The following ATP2B2 variants were observed in gnomAD, a reference collection of about 807,000 sequenced individuals.
The protein encoded by ATP2B2 is plasma membrane calcium-transporting ATPase 2.
A neutral mutation model predicts 120.0 loss-of-function variants in ATP2B2; 15 were observed. The ratio of observed to expected loss-of-function variants is 0.12; its 90% CI spans 0.08 to 0.19. ATP2B2 has a LOEUF of 0.19. Among genes scored for constraint, ATP2B2 ranks in the 10% least tolerant of loss-of-function variants. ATP2B2 has a pLI of 1.00. For missense variants in ATP2B2, 1,045 were observed against 1,719.8 expected (o/e 0.61, Z 6.94); for synonymous variants, 694 against 700.3 (o/e 0.99, Z 0.14).
intron 1 of ATP2B2, among the ~76,000 whole-genome samples, chr3:10,657,536 A>C (rs2070665648): frequency 6.6e-6 from 1 of 152,254 alleles, no homozygotes; most frequent in Non-Finnish European, 1.5e-5. Flanking sequence ...GCCAGGCGGC[A>C]GCGAGGCTTG....
chr3:10,329,098 A>C lies in ATP2B2; in HGVS notation c.3448T>G (p.Ser1150Ala). ...QIRVVKAFRSSLYEGLEKPES... is the reference protein window; with the variant it reads ...QIRVVKAFRSALYEGLEKPES... ...GGCTTTTCTAAACCTTCATAGAGAG[A>C]GCTACGGAACGCCTTCACGACGCGG... The change falls in exon 23 of 23, where the codon TCT becomes GCT. Residue 1150 changes from serine to alanine, a missense_variant. By Grantham distance (99) the Ser-to-Ala change is moderately conservative. Coordinates refer to ENST00000360273, the MANE Select transcript of ATP2B2 (RefSeq NM_001001331.4). This position sits in a 1 kb window ranked among gnomAD's most constrained non-coding sequence, Gnocchi z 5.9. The C allele has an allele frequency of 6.2e-7, 1 of 1,611,620 alleles. No individual in the cohort carries two copies. Among genetic ancestry groups the C allele is most frequent in the Non-Finnish European group, 8.5e-7 (1 of 1,179,504 alleles).
At chr3:10,410,043 C>T (rs745466381) in intron 3 of ATP2B2, among the ~76,000 whole-genome samples, 6 of 152,184 alleles carry the variant, frequency 3.9e-5, no homozygotes, top group South Asian at 4.1e-4. Flanking sequence ...GGCCTGACAA[C>T]GATGTTTTCA....
chr3:10,434,162 T>A (rs549453824), intron 2 of ATP2B2, among the ~76,000 whole-genome samples: 13 of 152,376 alleles, frequency 8.5e-5, no homozygotes, highest in African/African-American at 2.6e-4. Context: ...ACATCTATAC[T>A]CTCAGGGCAC....
intron 2 of ATP2B2, among the ~76,000 whole-genome samples, chr3:10,537,759 A>AG (rs1655951456): frequency 6.6e-6 from 1 of 152,202 alleles, no homozygotes; most frequent in Non-Finnish European, 1.5e-5. Context: ...TCCCAATCTC[A>AG]GGGGAAAGCA....
rs538987336 is a variant in ATP2B2 at position 10,350,727 on chromosome 3, G to T, written c.2137-150C>A. On this transcript the variant is annotated intron_variant, in intron 14 of 22. Transcript: ENST00000360273. ...GATGCTGATGACGCACATGGCATAT[G>T]GGCCACAGCCTCCCTTCCTGTGCCA... is the stretch of plus-strand genomic sequence containing the variant. The T allele has an allele frequency of 1.4e-4, 116 of 803,088 alleles. No individual in the cohort carries two copies. In the African/African-American group the frequency reaches 1.8e-3, roughly 13 times the overall value. 49.7% of individuals were successfully genotyped at this position (803,088 alleles called of 1,614,324 possible).
chr3:10,655,969 T>C (rs2070615292), intron 1 of ATP2B2, among the ~76,000 whole-genome samples: 1 of 152,208 alleles, frequency 6.6e-6, no homozygotes, highest in Non-Finnish European at 1.5e-5. Context: ...ACGTTTCTTC[T>C]CTTGGAGAAC....
chr3:10,490,724 T>C (rs2065903399), intron 1 of ATP2B2, among the ~76,000 whole-genome samples: 1 of 152,084 alleles, frequency 6.6e-6, no homozygotes, highest in South Asian at 2.1e-4. Context: ...ATCCAGAAAA[T>C]CCTACAGACT....
At chr3:10,353,516 G>C (rs1282263745) in intron 14 of ATP2B2, among the ~76,000 whole-genome samples, 1 of 152,198 alleles carries the variant, frequency 6.6e-6, no homozygotes, top group Non-Finnish European at 1.5e-5. Flanking sequence ...TGATCTGGAG[G>C]GGCTGAGGGA....
At chr3:10,341,349 T>C (rs2060270759) in intron 19 of ATP2B2, among the ~76,000 whole-genome samples, 1 of 152,180 alleles carries the variant, frequency 6.6e-6, no homozygotes, top group Admixed American at 6.5e-5. Context: ...GTCTCGTTGT[T>C]GCCCAGGCTG....
intron 1 of ATP2B2, among the ~76,000 whole-genome samples, chr3:10,706,711 A>G (rs949244615): frequency 6.6e-6 from 1 of 151,826 alleles, no homozygotes; most frequent in Admixed American, 6.6e-5. Flanking sequence ...CATAACAGTG[A>G]GAACTTTAAG....
intron 2 of ATP2B2, among the ~76,000 whole-genome samples, chr3:10,440,632 C>T (rs1361002969): frequency 6.6e-6 from 1 of 152,206 alleles, no homozygotes; most frequent in Non-Finnish European, 1.5e-5. Flanking sequence ...TCAATTCTGC[C>T]CTGTCCTTTC....
At chr3:10,336,057 T>A in intron 22 of ATP2B2, 1 of 1,496,488 alleles carries the variant, frequency 6.7e-7, no homozygotes, top group Non-Finnish European at 9.0e-7. Flanking sequence ...TGTCCTCTGG[T>A]GCCCCAGCCC....
chr3:10,550,328 CAG>C (rs1186210802), intron 2 of ATP2B2, among the ~76,000 whole-genome samples: 1 of 152,162 alleles, frequency 6.6e-6, no homozygotes, highest in African/African-American at 2.4e-5. Context: ...GGAATGTAGA[CAG>C]AGTGTTTTAC....
At chr3:10,609,965 C>T (rs576368423) in intron 2 of ATP2B2, among the ~76,000 whole-genome samples, 34 of 152,186 alleles carry the variant, frequency 2.2e-4, no homozygotes, top group East Asian at 7.7e-4. Flanking sequence ...ATGGGCTCAT[C>T]GCAGCCCTGG....
chr3:10,567,575 T>A (rs1280462621), intron 2 of ATP2B2, among the ~76,000 whole-genome samples: 1 of 152,178 alleles, frequency 6.6e-6, no homozygotes, highest in East Asian at 1.9e-4. Context: ...AAAATAGAGA[T>A]GATGACAGGG....
At chr3:10,586,409 T>C (rs1282140688) in intron 2 of ATP2B2, among the ~76,000 whole-genome samples, 1 of 152,216 alleles carries the variant, frequency 6.6e-6, no homozygotes, top group Non-Finnish European at 1.5e-5. Flanking sequence ...ATCTTACTTT[T>C]GCCGTTTTGC....
intron 1 of ATP2B2, among the ~76,000 whole-genome samples, chr3:10,468,266 C>T (rs73119420): frequency 0.012 from 1,840 of 152,322 alleles, 49 homozygotes; most frequent in African/African-American, 0.042. Context: ...CTGACAGGTG[C>T]GAGGCCAGGG....
chr3:10,540,409 CAT>C (rs915264267), intron 2 of ATP2B2, among the ~76,000 whole-genome samples: 28 of 152,274 alleles, frequency 1.8e-4, no homozygotes, highest in African/African-American at 5.3e-4. Context: ...ACTATAAAGA[CAT>C]GTGCACACGT....
intron 2 of ATP2B2, among the ~76,000 whole-genome samples, chr3:10,585,192 C>T (rs2068478083): frequency 6.6e-6 from 1 of 152,122 alleles, no homozygotes. Flanking sequence ...CAATGGTTTG[C>T]ACTGTAATTA....
Sources: allele counts gnomAD v4.1 joint callset (sites outside exome capture counted in the v4.1 genomes callset), GRCh38; gene constraint gnomAD v4.1.1; non-coding constraint Gnocchi (gnomAD v3.1); transcripts MANE v1.5; gene names NCBI Gene and HGNC (gene_info 2026-07-23, HGNC 2026-07-21).